HSF5: variants seen among roughly 807,000 people sequenced by gnomAD.
The protein encoded by HSF5 is heat shock factor protein 5.
A neutral mutation model predicts 50.8 loss-of-function variants in HSF5; 5 were observed. That is an observed-to-expected ratio of 0.10 (90% confidence interval 0.05 to 0.21). The LOEUF is 0.21. Ranked by LOEUF, HSF5 falls within the 10% of genes least tolerant of loss-of-function variation. The probability of loss-of-function intolerance (pLI) is 1.00; values close to 1 mark genes in which losing one functional copy is unlikely to be tolerated. For synonymous variants in HSF5, 307 were observed against 307.4 expected, an observed-to-expected ratio of 1.00 and a Z score of 0.02; for missense variants, 564 against 762.6, an observed-to-expected ratio of 0.74 and a Z score of 3.07.
intron 2 of HSF5, chr17:58,476,335 C>G (rs1053765922): frequency 4.5e-6 from 5 of 1,108,768 alleles, no homozygotes; most frequent in Non-Finnish European, 6.9e-6. Flanking sequence ...GATGACCTCT[C>G]CTAACTCATC....
At chr17:58,476,273 C>CATCATCTTCTT in intron 2 of HSF5, 1 of 963,592 alleles carries the variant, frequency 1.0e-6, no homozygotes, top group Admixed American at 1.8e-5. Flanking sequence ...TCTTCATCAT[C>CATCATCTTCTT]CATATCAGGA....
chr17:58,464,011 T>C (rs868695323), intron 3 of HSF5, among the ~76,000 whole-genome samples: 1 of 152,364 alleles, frequency 6.6e-6, no homozygotes, highest in Middle Eastern at 3.4e-3. Context: ...TGAATTGATG[T>C]TGCACAATGA....
intron 5 of HSF5, among the ~76,000 whole-genome samples, chr17:58,435,699 A>G (rs1036495635): frequency 6.6e-6 from 1 of 152,076 alleles, no homozygotes; most frequent in African/African-American, 2.4e-5. Context: ...GGAGATCGAG[A>G]CCATCCTGGC....
intron 5 of HSF5, among the ~76,000 whole-genome samples, chr17:58,451,760 T>C (rs1234062465): frequency 2.0e-5 from 3 of 151,860 alleles, no homozygotes; most frequent in South Asian, 2.1e-4. Context: ...ATAAACAATA[T>C]TATATTACAT....
In HSF5 at chr17:58,487,757, G is replaced by A. The variant is rs2143817632; in HGVS notation, c.518C>T (p.Pro173Leu). Residue 173 changes from proline (P) to leucine (L), a missense_variant, in exon 1 of 6, where the codon CCG becomes CTG. Coordinates refer to ENST00000323777, the MANE Select transcript of HSF5 (RefSeq NM_001080439.3). The part of the protein sequence containing the change: ...ATAPLQHQQP[P>L]PPAGPRPEPH... ...CTCGGGCCGGGGCCCCGCGGGCGGC[G>A]GCGGCTGCTGGTGCTGCAGTGGCGC... The A allele has an allele frequency of 2.2e-6, 3 of 1,388,854 alleles. No homozygotes were observed. Among genetic ancestry groups the A allele is most frequent in the Non-Finnish European group, 2.8e-6 (3 of 1,084,114 alleles). The allele number at this position is 1,388,854 out of a possible 1,614,324, so 86.0% of individuals were successfully genotyped here.
chr17:58,484,348 T>A (rs937830292), intron 1 of HSF5, among the ~76,000 whole-genome samples: 1 of 152,234 alleles, frequency 6.6e-6, no homozygotes, highest in Non-Finnish European at 1.5e-5. Context: ...AACTGAAGTA[T>A]AAGTGAATAA....
At chr17:58,451,552 A>G (rs1272415006) in intron 5 of HSF5, among the ~76,000 whole-genome samples, 1 of 152,208 alleles carries the variant, frequency 6.6e-6, no homozygotes, top group Non-Finnish European at 1.5e-5. Flanking sequence ...AAACTGTTCA[A>G]ATACGTGGAA....
chr17:58,466,833 G>A (rs1974873835), intron 3 of HSF5, 52 bp downstream of exon 3: 4 of 1,105,518 alleles, frequency 3.6e-6, no homozygotes, highest in Admixed American at 3.4e-5. Flanking sequence ...TTGCAATATC[G>A]ATAAAATTGC....
At chr17:58,428,488 C>A (rs539867779) in intron 5 of HSF5, among the ~76,000 whole-genome samples, 15 of 152,028 alleles carry the variant, frequency 9.9e-5, no homozygotes, top group African/African-American at 3.4e-4. Flanking sequence ...TGAAACCCTG[C>A]CTCTACTAAA....
rs1405995419 is a variant in HSF5, at chr17:58,422,447, G to A, written c.1721-17C>T. On this transcript the variant is annotated splice_polypyrimidine_tract_variant and intron_variant, in intron 5 of 5. Transcript: ENST00000323777. ...GATGAAGATCTAGAAAGAAAGGATA[G>A]TTTACTCCCTCTTAGCCTCTCTGTA... 6.2e-7 allele frequency: 1 copy of A among 1,609,104 alleles called. No homozygotes were observed. Among genetic ancestry groups the A allele is most frequent in the Non-Finnish European group, 8.5e-7 (1 of 1,175,700 alleles).
At chr17:58,430,573 T>G (rs1051381011) in intron 5 of HSF5, among the ~76,000 whole-genome samples, 2 of 152,218 alleles carry the variant, frequency 1.3e-5, no homozygotes, top group South Asian at 2.1e-4. Context: ...TCCTTGCACA[T>G]CAAAACTCTA....
At chr17:58,454,610 G>GA (rs1378849785) in intron 5 of HSF5, among the ~76,000 whole-genome samples, 1 of 152,018 alleles carries the variant, frequency 6.6e-6, no homozygotes, top group African/African-American at 2.4e-5. Context: ...AAAAAAATTG[G>GA]AACTAATAAA....
chr17:58,485,271 A>G (rs1975154200), intron 1 of HSF5, among the ~76,000 whole-genome samples: 1 of 152,020 alleles, frequency 6.6e-6, no homozygotes, highest in Non-Finnish European at 1.5e-5. Flanking sequence ...CTTTATAGTA[A>G]ATCCATGTTA....
Position 58,422,274 on chromosome 17 carries a change from G to T in HSF5, c.*86C>A. 2 of 993,790 alleles carry T rather than the reference G, an allele frequency of 2.0e-6. No individual in the cohort carries two copies. The highest frequency in any genetic ancestry group is 3.1e-6 in the Non-Finnish European group (2 of 649,260). The allele number at this position is 993,790 out of a possible 1,614,324, so 61.6% of individuals were successfully genotyped here. A position where few individuals can be genotyped will look rare whatever the true frequency, so the allele number is the denominator to read the frequency against. ...ATACTTTTTTTTCCTTAACAGAACTGAAAAAATCCCAACAGTTTGTCATGT... is the reference window on the plus strand; with the variant it reads ...ATACTTTTTTTTCCTTAACAGAACTTAAAAAATCCCAACAGTTTGTCATGT... On this transcript the variant is annotated 3_prime_UTR_variant, in exon 6 of 6. Coordinates refer to ENST00000323777, the MANE Select transcript of HSF5 (RefSeq NM_001080439.3).
chr17:58,476,903 T>C (rs537619795), intron 2 of HSF5: 2 of 997,652 alleles, frequency 2.0e-6, no homozygotes, highest in South Asian at 1.4e-5. Flanking sequence ...GGCCCTGTAG[T>C]GGTTGGAGTT....
chr17:58,420,370 G>A lies in HSF5; in HGVS notation c.*1990C>T, dbSNP rs1407401825. On this transcript the variant is annotated 3_prime_UTR_variant, in exon 6 of 6. Transcript: ENST00000323777. ...CAGCTTTAGTTGATAGATACAAGGC[G>A]TGTAAGGATAGCAGGAGATCCAGCT... 1 of 152,206 alleles carries A rather than the reference G, an allele frequency of 6.6e-6. No individual in the cohort carries two copies. Among genetic ancestry groups the A allele is most frequent in the Non-Finnish European group, 1.5e-5 (1 of 68,036 alleles). The allele number at this position is 152,206 out of a possible 1,614,324, so 9.4% of individuals were successfully genotyped here.
intron 2 of HSF5, among the ~76,000 whole-genome samples, chr17:58,472,002 C>T (rs576626405): frequency 9.3e-5 from 14 of 151,322 alleles, no homozygotes; most frequent in African/African-American, 3.4e-4. Context: ...TACAGGTGTG[C>T]GCCACCATGC....
chr17:58,437,566 T>C (rs1974442719), intron 5 of HSF5, among the ~76,000 whole-genome samples: 1 of 152,230 alleles, frequency 6.6e-6, no homozygotes, highest in Non-Finnish European at 1.5e-5. Flanking sequence ...GAGAGATAAC[T>C]AGTGTTATAT....
At chr17:58,470,014 A>ATAGT (rs1224065657) in intron 2 of HSF5, among the ~76,000 whole-genome samples, 2 of 152,232 alleles carry the variant, frequency 1.3e-5, no homozygotes, top group Non-Finnish European at 2.9e-5. Flanking sequence ...CTACTCCAGA[A>ATAGT]TAGTATAATG....
Sources: allele counts gnomAD v4.1 joint callset (sites outside exome capture counted in the v4.1 genomes callset), GRCh38; gene constraint gnomAD v4.1.1; transcripts MANE v1.5; gene names NCBI Gene and HGNC (gene_info 2026-07-23, HGNC 2026-07-21).